YJEFN3: variants seen among roughly 807,000 people sequenced by gnomAD.
YJEFN3 encodes the protein yjeF N-terminal domain-containing protein 3.
A neutral mutation model predicts 31.5 loss-of-function variants in YJEFN3; 29 were observed. The observed-to-expected ratio is 0.92, with a 90% CI of 0.69 to 1.26. The LOEUF is 1.26. Ranked by LOEUF, YJEFN3 falls within the 50% of genes most tolerant of loss-of-function variation. The pLI is 0.00. For synonymous variants in YJEFN3, 227 were observed against 196.1 expected, an observed-to-expected ratio of 1.16 and a Z score of -1.32; for missense variants, 442 against 425.4, an observed-to-expected ratio of 1.04 and a Z score of -0.34.
At chr19:19,535,714 G>A in intron 6 of YJEFN3, 35 bp downstream of exon 6, 1 of 1,542,076 alleles carries the variant, frequency 6.5e-7, no homozygotes, top group African/African-American at 1.4e-5. Context: ...TTGGGGCCTG[G>A]GGGGCTTGGG....
Position 19,528,968 on chromosome 19 carries a change from G to A in YJEFN3, c.36G>A (p.Ala12=). Residue 12 remains alanine, a synonymous_variant, in exon 1 of 7, where the codon GCG becomes GCA. Coordinates refer to ENST00000514277, the MANE Select transcript of YJEFN3 (RefSeq NM_198537.4). ...CAGCCGGCCCAGACCCGTCGGAGGC[G>A]CCCGAAGAGCGGCATTTCCTCAGGT... is the stretch of plus-strand genomic sequence containing the variant. ...SSAAGPDPSE[A]PEERHFLRAL... is the part of the protein sequence containing the mutation. 1.9e-6 allele frequency: 3 copies of A among 1,550,204 alleles called. No homozygotes were observed. Among genetic ancestry groups the A allele is most frequent in the Admixed American group, 2.0e-5 (1 of 50,986 alleles).
Position 19,532,745 on chromosome 19 carries a change from C to A in YJEFN3, c.318+5C>A. The stretch of plus-strand genomic sequence containing the variant: ...AGTGCCGTGGCTGTGACCAAGGTAC[C>A]TGACCCCTGACCCCCAACCCTGACC... On this transcript the variant is annotated splice_donor_5th_base_variant and intron_variant, in intron 3 of 6. Coordinates refer to ENST00000514277, the MANE Select transcript of YJEFN3 (RefSeq NM_198537.4). 1.3e-6 allele frequency: 2 copies of A among 1,547,850 alleles called. No individual in the cohort carries two copies. Among genetic ancestry groups the A allele is most frequent in the Non-Finnish European group, 1.7e-6 (2 of 1,149,464 alleles).
chr19:19,537,265 C>A, intron 6 of YJEFN3, 54 bp from the exon 7 acceptor site: 1 of 1,475,930 alleles, frequency 6.8e-7, no homozygotes, highest in Admixed American at 2.0e-5. Flanking sequence ...GGACTCTAGG[C>A]TGAGGGCAGG....
intron 4 of YJEFN3, 31 bp from the exon 5 acceptor site, chr19:19,535,306 G>A (rs767256956): frequency 1.9e-6 from 3 of 1,598,858 alleles, no homozygotes; most frequent in East Asian, 2.2e-5. Flanking sequence ...CCAGGTCAGG[G>A]GAGTCTGACC....
intron 5 of YJEFN3, 22 bp downstream of exon 5, chr19:19,535,472 A>AGGGGGACATGGTGTG (rs1276200592): frequency 2.4e-5 from 38 of 1,613,604 alleles, no homozygotes; most frequent in Non-Finnish European, 3.1e-5. Context: ...GTGGCAAGCA[A>AGGGGGACATGGTGTG]GGGGGACATG....
At chr19:19,529,190 TG>T (rs2061128861) in intron 1 of YJEFN3, 173 bp from the exon 2 acceptor site, 1 of 1,448,570 alleles carries the variant, frequency 6.9e-7, no homozygotes, top group Non-Finnish European at 9.1e-7. Flanking sequence ...AAGACGGGCC[TG>T]GGAATCCCGG....
Position 19,534,119 on chromosome 19 carries a change from G to A in YJEFN3, c.319-915G>A. 1.0e-6 allele frequency: 1 copy of A among 985,686 alleles called. No individual in the cohort carries two copies. Among genetic ancestry groups the A allele is most frequent in the Non-Finnish European group, 1.2e-6 (1 of 830,072 alleles). The allele number at this position is 985,686 out of a possible 1,614,324, so 61.1% of individuals were successfully genotyped here. A position where few individuals can be genotyped will look rare whatever the true frequency, so the allele number is the denominator to read the frequency against. On this transcript the variant is annotated intron_variant, in intron 3 of 6. Coordinates refer to ENST00000514277, the MANE Select transcript of YJEFN3 (RefSeq NM_198537.4). This position sits in a 1 kb window ranked among gnomAD's most constrained non-coding sequence, Gnocchi z 4.6. ...ACTGAGTCTGGGAGAGAAGGGGCTGGGGCCACGCAGAATCAGGGCAGGGCT... is the reference window on the plus strand; with the variant it reads ...ACTGAGTCTGGGAGAGAAGGGGCTGAGGCCACGCAGAATCAGGGCAGGGCT...
chr19:19,531,772 C>CCCGGGCTGGAGTG (rs2061159131), intron 2 of YJEFN3, among the ~76,000 whole-genome samples: 1 of 130,322 alleles, frequency 7.7e-6, no homozygotes, highest in Non-Finnish European at 1.5e-5. Flanking sequence ...CACTCTGTCA[C>CCCGGGCTGGAGTG]CCGGGCTGGA....
Position 19,534,213 on chromosome 19 carries a change from C to G in YJEFN3, c.319-821C>G, listed in dbSNP as rs915241931. On this transcript the variant is annotated intron_variant, in intron 3 of 6. Transcript: ENST00000514277. This position sits in a 1 kb window ranked among gnomAD's most constrained non-coding sequence, Gnocchi z 4.6. ...ATGGCCAGAGACAGATGGAGAGAGACAGATAACAGAGAGATACAGAGACAG... is the reference window on the plus strand; with the variant it reads ...ATGGCCAGAGACAGATGGAGAGAGAGAGATAACAGAGAGATACAGAGACAG... The G allele has an allele frequency of 2.7e-5, 26 of 963,826 alleles. No individual in the cohort carries two copies. The Admixed American group carries it at 4.9e-4, about 18-fold the overall frequency. The allele number at this position is 963,826 out of a possible 1,614,324, so 59.7% of individuals were successfully genotyped here.
chr19:19,529,396 T>C lies in YJEFN3; in HGVS notation c.92T>C (p.Met31Thr). ...ALELQPPLAD[M>T]GRAELSSNAT... The stretch of plus-strand genomic sequence containing the variant: ...GAGCTGCAGCCCCCACTTGCCGACA[T>C]GGGAAGAGCGGAGCTTAGCTCAAAT... Residue 31 changes from methionine (M) to threonine (T), a missense_variant, in exon 2 of 7, where the codon ATG (methionine) becomes ACG (threonine). Coordinates refer to ENST00000514277, the MANE Select transcript of YJEFN3 (RefSeq NM_198537.4). 2 of 1,611,788 alleles carry C rather than the reference T, an allele frequency of 1.2e-6. No homozygotes were observed. The highest frequency in any genetic ancestry group is 2.2e-5 in the East Asian group (1 of 44,710).
intron 4 of YJEFN3, 55 bp downstream of exon 4, chr19:19,535,199 C>G: frequency 6.5e-7 from 1 of 1,537,264 alleles, no homozygotes; most frequent in Non-Finnish European, 8.9e-7. Context: ...GCAGAAATCA[C>G]TGCCTTCTTT....
At position 19,537,497 on chromosome 19, in the gene YJEFN3, G is replaced by A. The variant is rs896050441; in HGVS notation, c.873G>A (p.Thr291=). ...TCGCTCTGCGCCTGCCGGGATACAC[G>A]GGCACCGACTGCGTCGCGGCACTGT... ...RKFALRLPGY[T]GTDCVAAL is the part of the protein sequence containing the mutation. The change falls in exon 7 of 7, where the codon ACG becomes ACA. Residue 291 remains threonine (T), a synonymous_variant. Transcript: ENST00000514277. 11 of 1,570,000 alleles carry A rather than the reference G, an allele frequency of 7.0e-6. No individual in the cohort carries two copies. Among genetic ancestry groups the A allele is most frequent in the Middle Eastern group, 2.2e-4 (1 of 4,576 alleles).
chr19:19,534,919 C>A lies in YJEFN3; in HGVS notation c.319-115C>A. The A allele has an allele frequency of 1.2e-6, 1 of 849,850 alleles. No individual in the cohort carries two copies. The highest frequency in any genetic ancestry group is 1.8e-6 in the Non-Finnish European group (1 of 564,490). 52.6% of individuals were successfully genotyped at this position (849,850 alleles called of 1,614,324 possible). A position where few individuals can be genotyped will look rare whatever the true frequency, so the allele number is the denominator to read the frequency against. ...AGAACAGCTCACCTCCTGTCCTATC[C>A]TGTTGCCTCCAGGCCCAAGCCCCAT... On this transcript the variant is annotated intron_variant, in intron 3 of 6. Coordinates refer to ENST00000514277, the MANE Select transcript of YJEFN3 (RefSeq NM_198537.4). This position sits in a 1 kb window ranked among gnomAD's most constrained non-coding sequence, Gnocchi z 4.6.
At chr19:19,529,187 G>T (rs1300589408) in intron 1 of YJEFN3, 177 bp from the exon 2 acceptor site, 2 of 1,449,252 alleles carry the variant, frequency 1.4e-6, no homozygotes. Flanking sequence ...GCCAAGACGG[G>T]CCTGGGAATC....
chr19:19,531,638 A>G (rs1201127441), intron 2 of YJEFN3, among the ~76,000 whole-genome samples: 3 of 149,876 alleles, frequency 2.0e-5, no homozygotes, highest in Admixed American at 2.0e-4. Flanking sequence ...AGAGGTGGAG[A>G]CGGACCCCAG....
At chr19:19,531,488 T>C (rs926034043) in intron 2 of YJEFN3, among the ~76,000 whole-genome samples, 5 of 152,256 alleles carry the variant, frequency 3.3e-5, no homozygotes, top group African/African-American at 1.2e-4. Flanking sequence ...TGATCATAGC[T>C]CACTGCAGCC....
chr19:19,532,778 G>C, intron 3 of YJEFN3, 38 bp downstream of exon 3: 1 of 1,465,438 alleles, frequency 6.8e-7, no homozygotes, highest in Non-Finnish European at 9.2e-7. Flanking sequence ...ACCCCAACCA[G>C]ACGGCCAACT....
At position 19,537,502 on chromosome 19, in the gene YJEFN3, C is replaced by T; in HGVS notation, c.878C>T (p.Thr293Ile). The T allele has an allele frequency of 6.4e-7, 1 of 1,567,824 alleles. No homozygotes were observed. Residue 293 changes from threonine (T) to isoleucine (I), a missense_variant, in exon 7 of 7, where the codon ACC becomes ATC. Coordinates refer to ENST00000514277, the MANE Select transcript of YJEFN3 (RefSeq NM_198537.4). ...CTGCGCCTGCCGGGATACACGGGCACCGACTGCGTCGCGGCACTGTGACCG... is the reference window on the plus strand; with the variant it reads ...CTGCGCCTGCCGGGATACACGGGCATCGACTGCGTCGCGGCACTGTGACCG... The part of the protein sequence containing the change: ...FALRLPGYTG[T>I]DCVAAL
intron 3 of YJEFN3, chr19:19,533,400 GCCT>G (rs1188559539): frequency 1.0e-6 from 1 of 986,130 alleles, no homozygotes; most frequent in African/African-American, 1.7e-5. Flanking sequence ...TAGCGTGACT[GCCT>G]CCTCTTCCTC....
Sources: gnomAD v4.1 joint callset for allele counts (sites outside exome capture counted in the v4.1 genomes callset) on GRCh38, gnomAD v4.1.1 for gene constraint, Gnocchi (gnomAD v3.1) non-coding constraint, MANE v1.5 for transcripts, NCBI Gene and HGNC (gene_info 2026-07-23, HGNC 2026-07-21) for gene names.